LAMA2: variants seen among roughly 807,000 people sequenced by gnomAD.
The protein encoded by LAMA2 is laminin subunit alpha 2.
LAMA2 carries 269 observed loss-of-function variants against 364.8 expected under a neutral mutation model. The ratio of observed to expected loss-of-function variants is 0.74; its 90% CI spans 0.67 to 0.82. The LOEUF (loss-of-function observed/expected upper bound fraction) is 0.82. Among genes scored for constraint, LAMA2 ranks in the 40% least tolerant of loss-of-function variants. The pLI, the probability that LAMA2 is intolerant of heterozygous loss-of-function variation, is 0.00. For missense variants in LAMA2, 3,807 were observed against 3,873.2 expected (o/e 0.98, Z 0.45); for synonymous variants, 1,379 against 1,370.6 (o/e 1.01, Z -0.14).
At chr6:129,476,462 T>TTGAG (rs1784071755) in intron 53 of LAMA2, among the ~76,000 whole-genome samples, 1 of 151,744 alleles carries the variant, frequency 6.6e-6, no homozygotes, top group Admixed American at 6.6e-5. Context: ...AATTTTGCCT[T>TTGAG]TGAGTGGTGA....
At chr6:129,456,946 A>G (rs904905688) in intron 48 of LAMA2, among the ~76,000 whole-genome samples, 7 of 152,178 alleles carry the variant, frequency 4.6e-5, no homozygotes, top group Non-Finnish European at 8.8e-5. Flanking sequence ...AAAGTTCTCA[A>G]GTTGCTCTTA....
intron 4 of LAMA2, among the ~76,000 whole-genome samples, chr6:129,126,964 G>A (rs1777154409): frequency 6.6e-6 from 1 of 152,186 alleles, no homozygotes; most frequent in Non-Finnish European, 1.5e-5. Context: ...CGACTTCGGA[G>A]GTTGAGCTGG....
chr6:129,405,603 G>A (rs369171689), intron 40 of LAMA2, among the ~76,000 whole-genome samples: 2 of 152,034 alleles, frequency 1.3e-5, no homozygotes, highest in Non-Finnish European at 2.9e-5. Context: ...AAGTGCTATA[G>A]AGAATCAGTG....
chr6:129,121,300 A>G (rs1208254245), intron 4 of LAMA2, among the ~76,000 whole-genome samples: 1 of 152,202 alleles, frequency 6.6e-6, no homozygotes, highest in Non-Finnish European at 1.5e-5. Context: ...AGTAAGAAAG[A>G]TATTTAAAAA....
At chr6:129,048,028 T>C (rs958669770) in intron 1 of LAMA2, among the ~76,000 whole-genome samples, 27 of 152,170 alleles carry the variant, frequency 1.8e-4, no homozygotes, top group African/African-American at 6.5e-4. Flanking sequence ...AGGAGCGAGT[T>C]ACTTAACACC....
At chr6:128,912,117 T>G (rs1177696823) in intron 1 of LAMA2, among the ~76,000 whole-genome samples, 1 of 152,210 alleles carries the variant, frequency 6.6e-6, no homozygotes, top group Non-Finnish European at 1.5e-5. Context: ...ATGTACAAGC[T>G]TTTTTATGGA....
At chr6:129,320,515 A>G (rs1184143209) in intron 27 of LAMA2, 23 bp from the exon 28 acceptor site, 1 of 1,309,716 alleles carries the variant, frequency 7.6e-7, no homozygotes, top group South Asian at 1.2e-5. Flanking sequence ...ATAGTAATCT[A>G]AGTACATTCT....
chr6:129,127,691 C>A (rs559966554), intron 4 of LAMA2, among the ~76,000 whole-genome samples: 3 of 152,244 alleles, frequency 2.0e-5, no homozygotes, highest in African/African-American at 7.2e-5. Context: ...TTGTTATCTT[C>A]TTTTTGATAT....
chr6:129,450,212 C>T (rs1782605291), intron 45 of LAMA2, among the ~76,000 whole-genome samples: 1 of 151,958 alleles, frequency 6.6e-6, no homozygotes, highest in Admixed American at 6.6e-5. Context: ...ATTCTGTGAC[C>T]AAATGATCAC....
At chr6:129,049,256 G>A (rs117031361) in intron 1 of LAMA2, among the ~76,000 whole-genome samples, 1,559 of 152,178 alleles carry the variant, frequency 0.01, 11 homozygotes, top group Non-Finnish European at 0.016. Context: ...CTCTGAGATC[G>A]TATCTATGAA....
chr6:129,355,034 T>C (rs949054197), intron 32 of LAMA2, among the ~76,000 whole-genome samples: 3 of 152,202 alleles, frequency 2.0e-5, no homozygotes, highest in African/African-American at 7.2e-5. Flanking sequence ...GGGTTATACA[T>C]GGTATTTAGT....
intron 1 of LAMA2, among the ~76,000 whole-genome samples, chr6:129,040,825 T>A (rs535790884): frequency 6.6e-6 from 1 of 152,262 alleles, no homozygotes; most frequent in East Asian, 1.9e-4. Flanking sequence ...AGGAGTACTT[T>A]CTTAAAACTG....
chr6:129,331,771 C>A (rs1433268838), intron 29 of LAMA2, among the ~76,000 whole-genome samples: 1 of 152,076 alleles, frequency 6.6e-6, no homozygotes, highest in Non-Finnish European at 1.5e-5. Context: ...TCTATAATTT[C>A]TCTTCATCCA....
chr6:129,254,736 T>G (rs565511732), intron 14 of LAMA2, among the ~76,000 whole-genome samples: 62 of 152,340 alleles, frequency 4.1e-4, no homozygotes, highest in Non-Finnish European at 7.2e-4. Context: ...TCTTCATTCT[T>G]CTTTTAAGAA....
At chr6:129,314,448 T>TA (rs1351408821) in intron 23 of LAMA2, among the ~76,000 whole-genome samples, 1 of 149,684 alleles carries the variant, frequency 6.7e-6, no homozygotes, top group African/African-American at 2.5e-5. Context: ...TATATCTATT[T>TA]AAAAATAAAG....
At chr6:129,332,718 T>C (rs1775725607) in intron 29 of LAMA2, among the ~76,000 whole-genome samples, 1 of 152,148 alleles carries the variant, frequency 6.6e-6, no homozygotes, top group Non-Finnish European at 1.5e-5. Flanking sequence ...ATTTTAATGG[T>C]AGTAAACATT....
At chr6:129,419,082 C>A (rs116026138) in intron 40 of LAMA2, among the ~76,000 whole-genome samples, 2 of 151,752 alleles carry the variant, frequency 1.3e-5, no homozygotes, top group Admixed American at 1.3e-4. Flanking sequence ...ATGATACTCT[C>A]ATTTGGGTCA....
Position 129,250,135 on chromosome 6 carries a change from G to C in LAMA2, c.1806G>C (p.Leu602Phe). 1 of 1,607,084 alleles carries C rather than the reference G, an allele frequency of 6.2e-7. No homozygotes were observed. Among genetic ancestry groups the C allele is most frequent in the Non-Finnish European group, 8.5e-7 (1 of 1,173,964 alleles). Reference protein sequence around the residue: ...GNKLPAVGGQLTFTISYDLEE... With the variant: ...GNKLPAVGGQFTFTISYDLEE... ...AGCTCCCAGCAGTAGGAGGACAGTT[G>C]ACATTTACCATATCATATGACCTTG... The change falls in exon 13 of 65, where the codon TTG (leucine) becomes TTC (phenylalanine). Residue 602 changes from leucine (L) to phenylalanine (F), a missense_variant. Around this residue, in one of 3 missense-constraint regions of LAMA2, gnomAD observed 3,333 missense variants for 3,345.7 expected, o/e 1.00. Coordinates refer to ENST00000421865, the MANE Select transcript of LAMA2 (RefSeq NM_000426.4).
At chr6:128,900,353 C>A (rs2114413581) in intron 1 of LAMA2, among the ~76,000 whole-genome samples, 1 of 152,098 alleles carries the variant, frequency 6.6e-6, no homozygotes, top group Admixed American at 6.6e-5. Flanking sequence ...AGATCAGGGC[C>A]CAGGTCTGTT....
Sources: allele counts gnomAD v4.1 joint callset (sites outside exome capture counted in the v4.1 genomes callset), GRCh38; gene constraint gnomAD v4.1.1; regional missense constraint gnomAD v4.1.1; transcripts MANE v1.5; gene names NCBI Gene and HGNC (gene_info 2026-07-23, HGNC 2026-07-21).